LRRTM4: variants seen among roughly 807,000 people sequenced by gnomAD.
The protein encoded by LRRTM4 is leucine-rich repeat transmembrane neuronal protein 4.
A neutral mutation model predicts 47.6 loss-of-function variants in LRRTM4; 25 were observed. The observed-to-expected ratio is 0.53, with a 90% CI of 0.38 to 0.73. The LOEUF (loss-of-function observed/expected upper bound fraction) is 0.73, where lower values mean the gene tolerates loss of function less well. Ranked by LOEUF, LRRTM4 falls within the 30% of genes least tolerant of loss-of-function variation. The pLI is 0.00. For synonymous variants in LRRTM4, 311 were observed against 269.5 expected (o/e 1.15, Z -1.51); for missense variants, 638 against 713.4 (o/e 0.89, Z 1.20).
At chr2:77,233,995 C>T (rs1398874222) in intron 3 of LRRTM4, among the ~76,000 whole-genome samples, 1 of 152,124 alleles carries the variant, frequency 6.6e-6, no homozygotes, top group Non-Finnish European at 1.5e-5. Context: ...CGGGATATCA[C>T]CGTGTTGGCC....
chr2:76,826,558 G>A (rs1299055067), intron 3 of LRRTM4, among the ~76,000 whole-genome samples: 1 of 151,692 alleles, frequency 6.6e-6, no homozygotes, highest in East Asian at 1.9e-4. Context: ...TATGCAAAGA[G>A]TGGATTTTGA....
chr2:77,447,375 CCCA>C (rs1227093199), intron 3 of LRRTM4, among the ~76,000 whole-genome samples: 1 of 152,022 alleles, frequency 6.6e-6, no homozygotes, highest in Non-Finnish European at 1.5e-5. Context: ...TGCAATTCTG[CCCA>C]CAAGAACAAT....
chr2:76,772,086 C>T (rs929182962), intron 3 of LRRTM4, among the ~76,000 whole-genome samples: 4 of 152,092 alleles, frequency 2.6e-5, no homozygotes, highest in East Asian at 1.9e-4. Flanking sequence ...ACACCCAATT[C>T]GATGGTATTA....
chr2:77,351,686 C>T (rs1479715897), intron 3 of LRRTM4, among the ~76,000 whole-genome samples: 1 of 148,502 alleles, frequency 6.7e-6, no homozygotes, highest in African/African-American at 2.5e-5. Flanking sequence ...AACATAATTA[C>T]ATGAGCATAG....
At chr2:77,017,310 T>G (rs1678103954) in intron 3 of LRRTM4, among the ~76,000 whole-genome samples, 1 of 152,242 alleles carries the variant, frequency 6.6e-6, no homozygotes, top group African/African-American at 2.4e-5. Context: ...CCCATTTTAC[T>G]ACATAAGCTT....
intron 3 of LRRTM4, among the ~76,000 whole-genome samples, chr2:76,908,099 A>G (rs1673915205): frequency 6.6e-6 from 1 of 151,534 alleles, no homozygotes; most frequent in Non-Finnish European, 1.5e-5. Flanking sequence ...CCTCAATAAA[A>G]TACTGGCAAA....
intron 3 of LRRTM4, among the ~76,000 whole-genome samples, chr2:77,512,956 T>C (rs1185630302): frequency 6.6e-6 from 1 of 152,170 alleles, no homozygotes; most frequent in Admixed American, 6.6e-5. Flanking sequence ...TGTCGGTCTT[T>C]TTTTGGCAGC....
chr2:77,274,592 T>C (rs972916805), intron 3 of LRRTM4, among the ~76,000 whole-genome samples: 5 of 152,102 alleles, frequency 3.3e-5, no homozygotes, highest in African/African-American at 1.2e-4. Flanking sequence ...TAAAACCAAA[T>C]GAGAATGTGT....
chr2:77,400,908 AAAG>A (rs1362537267), intron 3 of LRRTM4, among the ~76,000 whole-genome samples: 1 of 151,942 alleles, frequency 6.6e-6, no homozygotes, highest in Non-Finnish European at 1.5e-5. Flanking sequence ...GAGAAAATCA[AAAG>A]AATAGTATTT....
At chr2:77,408,875 A>G (rs1351317348) in intron 3 of LRRTM4, among the ~76,000 whole-genome samples, 2 of 152,242 alleles carry the variant, frequency 1.3e-5, no homozygotes, top group East Asian at 1.9e-4. Context: ...TATCAATTAA[A>G]CAGTCAAAAG....
At chr2:77,074,524 C>T (rs948498319) in intron 3 of LRRTM4, among the ~76,000 whole-genome samples, 23 of 151,992 alleles carry the variant, frequency 1.5e-4, no homozygotes, top group Non-Finnish European at 2.5e-4. Flanking sequence ...GCTTATGGTA[C>T]TCTATTTCTG....
At chr2:76,810,261 T>C (rs1200584704) in intron 3 of LRRTM4, among the ~76,000 whole-genome samples, 1 of 152,218 alleles carries the variant, frequency 6.6e-6, no homozygotes, top group Non-Finnish European at 1.5e-5. Context: ...CTTGATTACG[T>C]CTTAAGGGTA....
chr2:77,142,578 C>T (rs1022241869), intron 3 of LRRTM4, among the ~76,000 whole-genome samples: 7 of 152,076 alleles, frequency 4.6e-5, no homozygotes, highest in Non-Finnish European at 7.4e-5. Context: ...ATATTAGTAA[C>T]TATGACATTC....
At chr2:77,451,139 G>A (rs77030594) in intron 3 of LRRTM4, among the ~76,000 whole-genome samples, 5 of 151,918 alleles carry the variant, frequency 3.3e-5, no homozygotes, top group African/African-American at 7.3e-5. Flanking sequence ...AGTCTTATCC[G>A]AAGACTAGTT....
rs1040184449 is a variant in LRRTM4 at position 77,417,170 on chromosome 2, T to C, written c.1551+101148A>G. Among the ~76,000 whole-genome samples, 8 of 152,166 alleles carry C rather than the reference T, an allele frequency of 5.3e-5. No homozygotes were observed. The South Asian group carries it at 1.5e-3, about 28-fold the overall frequency. ...TCATCATCACTGGCCATCAAACAAA[T>C]GCAAATCAAAACCACAATGAGATAC... On this transcript the variant is annotated intron_variant, in intron 3 of 3. Transcript: ENST00000409884.
At chr2:77,303,103 C>T (rs528156069) in intron 3 of LRRTM4, among the ~76,000 whole-genome samples, 16 of 152,172 alleles carry the variant, frequency 1.1e-4, no homozygotes, top group South Asian at 8.3e-4. Context: ...GTATCTGCCT[C>T]ACTCCCTCTA....
intron 3 of LRRTM4, among the ~76,000 whole-genome samples, chr2:77,483,169 G>A (rs1165782430): frequency 4.2e-5 from 6 of 141,364 alleles, no homozygotes; most frequent in South Asian, 2.3e-4. Context: ...ACCGCATTGT[G>A]TTAAATGCCA....
intron 3 of LRRTM4, among the ~76,000 whole-genome samples, chr2:76,986,257 C>A (rs895153723): frequency 1.3e-5 from 2 of 150,052 alleles, no homozygotes; most frequent in Non-Finnish European, 2.9e-5. Context: ...TAAAGGAAAG[C>A]ATTATTATCC....
intron 3 of LRRTM4, among the ~76,000 whole-genome samples, chr2:76,867,209 A>G (rs746906722): frequency 2.0e-5 from 3 of 152,214 alleles, no homozygotes; most frequent in Non-Finnish European, 4.4e-5. Context: ...CGTTCAGCGC[A>G]TGTATCTCAG....
Sources: allele counts gnomAD v4.1 joint callset (sites outside exome capture counted in the v4.1 genomes callset), GRCh38; gene constraint gnomAD v4.1.1; transcripts MANE v1.5; gene names NCBI Gene and HGNC (gene_info 2026-07-23, HGNC 2026-07-21).